The following ZNF486 variants were observed in gnomAD, a reference collection of about 807,000 sequenced individuals.
ZNF486 encodes the protein zinc finger protein 486, also known as KRAB box only protein 2.
ZNF486 carries 12 observed loss-of-function variants against 12.8 expected under a neutral mutation model. That is an observed-to-expected ratio of 0.94 (90% CI 0.60 to 1.52). The LOEUF (loss-of-function observed/expected upper bound fraction) is 1.52, where lower values mean the gene tolerates loss of function less well. ZNF486 is among the 40% of genes most tolerant of loss of function. The pLI, the probability that ZNF486 is intolerant of heterozygous loss-of-function variation, is 0.00. For synonymous variants in ZNF486, 231 were observed against 184.9 expected, an observed-to-expected ratio of 1.25 and a Z score of -2.02; for missense variants, 738 against 545.0, an observed-to-expected ratio of 1.35 and a Z score of -3.53.
chr19:20,182,905 GA>G (rs1219974226), intron 1 of ZNF486, among the ~76,000 whole-genome samples: 1 of 151,658 alleles, frequency 6.6e-6, no homozygotes. Flanking sequence ...AGGAGGAGGA[GA>G]AAAAAAAGTG....
At chr19:20,184,927 C>A (rs1555716150) in intron 2 of ZNF486, among the ~76,000 whole-genome samples, 1 of 152,088 alleles carries the variant, frequency 6.6e-6, no homozygotes, top group African/African-American at 2.4e-5. Context: ...GCCTGACCAA[C>A]ATGGAGAAAC....
At position 20,189,649 on chromosome 19, in the gene ZNF486, T is replaced by G. The variant is rs551619819; in HGVS notation, c.253+3567T>G. ...ATTTGTGTAGTTTTTTGATGAAAAATCTTTTTGTTCATTTTTAAATCAAGT... is the reference window on the plus strand; with the variant it reads ...ATTTGTGTAGTTTTTTGATGAAAAAGCTTTTTGTTCATTTTTAAATCAAGT... On this transcript the variant is annotated intron_variant, in intron 3 of 3. Coordinates refer to ENST00000335117, the MANE Select transcript of ZNF486 (RefSeq NM_052852.4). Among the ~76,000 whole-genome samples, 5 of 152,156 alleles carry G rather than the reference T, an allele frequency of 3.3e-5. No homozygotes were observed. In the East Asian group the frequency reaches 9.6e-4, roughly 29 times the overall value.
chr19:20,184,733 G>A (rs191305467), intron 2 of ZNF486, among the ~76,000 whole-genome samples: 1 of 152,132 alleles, frequency 6.6e-6, no homozygotes, highest in Admixed American at 6.5e-5. Flanking sequence ...AAATTTAGTG[G>A]CATAAAATAG....
At chr19:20,177,599 T>C (rs1555714998) in intron 1 of ZNF486, among the ~76,000 whole-genome samples, 2 of 152,232 alleles carry the variant, frequency 1.3e-5, no homozygotes, top group Admixed American at 6.5e-5. Context: ...TTTTTTGAGA[T>C]GGAGTTTCAC....
At chr19:20,187,307 A>G (rs537167746) in intron 3 of ZNF486, among the ~76,000 whole-genome samples, 98 of 152,130 alleles carry the variant, frequency 6.4e-4, no homozygotes, top group African/African-American at 2.2e-3. Flanking sequence ...ATTGATTTTT[A>G]AATACAAGAT....
intron 1 of ZNF486, among the ~76,000 whole-genome samples, chr19:20,172,152 C>T (rs1395718482): frequency 6.7e-6 from 1 of 149,830 alleles, no homozygotes; most frequent in African/African-American, 2.5e-5. Flanking sequence ...TACAAGCATG[C>T]ACCACCATGT....
chr19:20,169,468 C>G (rs1165928260), intron 1 of ZNF486, among the ~76,000 whole-genome samples: 1 of 152,108 alleles, frequency 6.6e-6, no homozygotes, highest in Admixed American at 6.6e-5. Context: ...TGCAGATGTC[C>G]CAGCCTGCTC....
At chr19:20,182,197 G>T (rs2089794789) in intron 1 of ZNF486, among the ~76,000 whole-genome samples, 1 of 152,080 alleles carries the variant, frequency 6.6e-6, no homozygotes, top group Non-Finnish European at 1.5e-5. Flanking sequence ...TGCTAATAAT[G>T]AGCCAAGGGG....
chr19:20,176,029 C>T (rs7255391), intron 1 of ZNF486: 34,215 of 168,526 alleles, frequency 0.2, 4,145 homozygotes, highest in East Asian at 0.47. Flanking sequence ...CCCTCCCGGA[C>T]GGGGTGGCTG....
chr19:20,197,313 A>C lies in ZNF486; in HGVS notation c.603A>C (p.Lys201Asn), dbSNP rs1555718178. 1 of 1,612,312 alleles carries C rather than the reference A, an allele frequency of 6.2e-7. No individual in the cohort carries two copies. The highest frequency in any genetic ancestry group is 1.7e-5 in the Admixed American group (1 of 59,712). Reference protein sequence around the residue: ...FNQSSTHTTHKKIDTGEKPYK... With the variant: ...FNQSSTHTTHNKIDTGEKPYK... ...AGTCCTCAACCCATACTACACATAA[A>C]AAAATTGATACTGGAGAGAAACCAT... Residue 201 changes from lysine to asparagine, a missense_variant, in exon 4 of 4, where the codon AAA becomes AAC. Transcript: ENST00000335117.
At chr19:20,169,741 CT>C (rs552011103) in intron 1 of ZNF486, among the ~76,000 whole-genome samples, 1 of 151,506 alleles carries the variant, frequency 6.6e-6, no homozygotes, top group East Asian at 1.9e-4. Flanking sequence ...CAGAAAAGGG[CT>C]TTTTTCCTAG....
rs1446069408 is a variant in ZNF486 at position 20,200,435 on chromosome 19, GTA to G, written c.*2337_*2338del. 2 of 151,910 alleles carry G rather than the reference GTA, an allele frequency of 1.3e-5. No homozygotes were observed. Among genetic ancestry groups the G allele is most frequent in the Admixed American group, 1.3e-4 (2 of 15,240 alleles). 9.4% of individuals were successfully genotyped at this position (151,910 alleles called of 1,614,324 possible). On this transcript the variant is annotated 3_prime_UTR_variant, in exon 4 of 4. Transcript: ENST00000335117. ...GATAAAAGTATATTAAACTAAATTCGTATATTTTACTTATTGTACTTTTATGT... is the reference window on the plus strand; with the variant it reads ...GATAAAAGTATATTAAACTAAATTCGTATTTTACTTATTGTACTTTTATGT...
intron 1 of ZNF486, among the ~76,000 whole-genome samples, chr19:20,173,661 C>T (rs2089673853): frequency 6.6e-6 from 1 of 151,844 alleles, no homozygotes; most frequent in African/African-American, 2.4e-5. Flanking sequence ...ATACCCATCT[C>T]TACTAAAAAT....
chr19:20,180,141 G>T (rs2089768347), intron 1 of ZNF486, among the ~76,000 whole-genome samples: 1 of 152,228 alleles, frequency 6.6e-6, no homozygotes, highest in Non-Finnish European at 1.5e-5. Context: ...ATTTGAGGAT[G>T]TCCAGAGCAG....
chr19:20,191,665 G>A (rs1394975639), intron 3 of ZNF486, among the ~76,000 whole-genome samples: 2 of 151,678 alleles, frequency 1.3e-5, no homozygotes, highest in Admixed American at 6.6e-5. Flanking sequence ...AGCTACTCGG[G>A]AGGCTGAGGC....
chr19:20,177,099 T>A (rs1373989787), intron 1 of ZNF486: 1 of 152,260 alleles, frequency 6.6e-6, no homozygotes, highest in Non-Finnish European at 1.5e-5. Context: ...ACTAGAGTGC[T>A]GCTGTGGCAA....
chr19:20,195,817 C>T (rs887141109), intron 3 of ZNF486, among the ~76,000 whole-genome samples: 15 of 152,316 alleles, frequency 9.8e-5, no homozygotes, highest in African/African-American at 3.6e-4. Flanking sequence ...TCCCTGTTTG[C>T]AGTTTCTCTG....
rs1464689494 is a variant in ZNF486 at position 20,197,085 on chromosome 19, C to G, written c.375C>G (p.Gly125=). The G allele has an allele frequency of 1.2e-6, 2 of 1,612,264 alleles. No homozygotes were observed. Among genetic ancestry groups the G allele is most frequent in the African/African-American group, 2.7e-5 (2 of 74,794 alleles). Residue 125 remains glycine (G), a synonymous_variant, in exon 4 of 4, where the codon GGC becomes GGG. Coordinates refer to ENST00000335117, the MANE Select transcript of ZNF486 (RefSeq NM_052852.4). ...ATGGCAATTTACACTTTAAAAAAGG[C>G]TGTGAAAGTGTGGATGAGTGTAAGT... The part of the protein sequence containing the change: ...CGHGNLHFKK[G]CESVDECKLH...
intron 1 of ZNF486, among the ~76,000 whole-genome samples, chr19:20,181,353 CA>C (rs2122650054): frequency 6.6e-6 from 1 of 152,196 alleles, no homozygotes; most frequent in Non-Finnish European, 1.5e-5. Context: ...TCCTGGCTAA[CA>C]CGGTGAAACC....
Sources: gnomAD v4.1 joint callset for allele counts (sites outside exome capture counted in the v4.1 genomes callset) on GRCh38, gnomAD v4.1.1 for gene constraint, MANE v1.5 for transcripts, NCBI Gene and HGNC (gene_info 2026-07-23, HGNC 2026-07-21) for gene names.